Variants in NBEAL1 observed in about 807,000 individuals in gnomAD.
NBEAL1 encodes the protein neurobeachin-like protein 1.
In NBEAL1, 273 loss-of-function variants were observed where a neutral mutation model predicts 351.3. That is an observed-to-expected ratio of 0.78 (90% CI 0.70 to 0.86). NBEAL1 has a LOEUF of 0.86. NBEAL1 is among the 40% of genes least tolerant of loss of function. The pLI is 0.00. For missense variants in NBEAL1, 2,961 were observed against 3,201.3 expected, an observed-to-expected ratio of 0.92 and a Z score of 1.81; for synonymous variants, 1,050 against 1,086.4, an observed-to-expected ratio of 0.97 and a Z score of 0.66.
chr2:203,053,238 G>A (rs1185234148), intron 4 of NBEAL1, among the ~76,000 whole-genome samples: 3 of 151,788 alleles, frequency 2.0e-5, no homozygotes, highest in African/African-American at 7.3e-5. Flanking sequence ...TTCCAATACT[G>A]GATTATACTA....
At chr2:203,027,509 AT>A (rs2060877726) in intron 2 of NBEAL1, among the ~76,000 whole-genome samples, 1 of 152,148 alleles carries the variant, frequency 6.6e-6, no homozygotes, top group South Asian at 2.1e-4. Context: ...AAAAAAAAAA[AT>A]GTTGTTTGAT....
intron 2 of NBEAL1, among the ~76,000 whole-genome samples, chr2:203,039,722 G>T (rs1335139370): frequency 2.0e-4 from 30 of 152,088 alleles, no homozygotes; most frequent in Non-Finnish European, 2.9e-5. Context: ...TTGGGTTTCA[G>T]TTTTTATGTT....
intron 41 of NBEAL1, among the ~76,000 whole-genome samples, chr2:203,174,726 A>G (rs979359825): frequency 5.3e-5 from 8 of 152,034 alleles, no homozygotes; most frequent in Non-Finnish European, 8.8e-5. Flanking sequence ...CCCTGTCTCT[A>G]CTAAAAATAG....
At chr2:203,104,236 A>G (rs1435289329) in intron 12 of NBEAL1, among the ~76,000 whole-genome samples, 1 of 152,070 alleles carries the variant, frequency 6.6e-6, no homozygotes, top group African/African-American at 2.4e-5. Context: ...TTCTGTGTTG[A>G]GTGTGTATAT....
Position 203,126,806 on chromosome 2 carries a change from T to C in NBEAL1, c.3146-18T>C, listed in dbSNP as rs1025822835. 6 of 1,544,496 alleles carry C rather than the reference T, an allele frequency of 3.9e-6. No individual in the cohort carries two copies. The African/African-American group carries it at 4.1e-5, about 11-fold the overall frequency. ...TTTATTTTAGCTGAATTACTTACCA[T>C]TGAACTTTTTATTTTAGGTCACATA... is the stretch of plus-strand genomic sequence containing the variant. On this transcript the variant is annotated intron_variant, in intron 22 of 55. Coordinates refer to ENST00000683969, the MANE Select transcript of NBEAL1 (RefSeq NM_001378026.1).
At chr2:203,117,037 G>A (rs1323131650) in intron 18 of NBEAL1, among the ~76,000 whole-genome samples, 1 of 152,138 alleles carries the variant, frequency 6.6e-6, no homozygotes, top group Non-Finnish European at 1.5e-5. Flanking sequence ...GGGAGTCAGA[G>A]ATTGCAGTCA....
At chr2:203,135,287 C>A (rs781773045) in intron 27 of NBEAL1, among the ~76,000 whole-genome samples, 27 of 152,148 alleles carry the variant, frequency 1.8e-4, no homozygotes, top group Non-Finnish European at 5.9e-5. Flanking sequence ...AATGCTAGTG[C>A]CTAAAACTGT....
At chr2:203,132,421 G>A (rs1379325755) in intron 26 of NBEAL1, among the ~76,000 whole-genome samples, 3 of 152,328 alleles carry the variant, frequency 2.0e-5, no homozygotes, top group East Asian at 3.9e-4. Flanking sequence ...TTCTTAAGGA[G>A]CTTAAATTTT....
At chr2:203,090,057 C>T (rs1315311193) in intron 10 of NBEAL1, among the ~76,000 whole-genome samples, 2 of 152,092 alleles carry the variant, frequency 1.3e-5, no homozygotes, top group East Asian at 3.9e-4. Context: ...TTAAAATAGG[C>T]ATATTGAAGT....
chr2:203,040,525 T>C (rs1367683581), intron 2 of NBEAL1: 4 of 671,612 alleles, frequency 6.0e-6, no homozygotes, highest in African/African-American at 1.8e-5. Context: ...TTATGTGACC[T>C]GGGGATTTCC....
chr2:203,144,556 T>G, intron 31 of NBEAL1, 44 bp from the exon 32 acceptor site: 1 of 1,520,498 alleles, frequency 6.6e-7, no homozygotes, highest in East Asian at 2.3e-5. Flanking sequence ...TCACTAAATG[T>G]TTGCTTTAGT....
At position 203,172,936 on chromosome 2, in the gene NBEAL1, AT is replaced by A. The variant is rs1035702234; in HGVS notation, c.6323+93del. 3,741 of 1,206,004 alleles carry A rather than the reference AT, an allele frequency of 3.1e-3. 1 individual carries two copies. The highest frequency in any genetic ancestry group is 4.8e-3 in the South Asian group (239 of 50,166). 74.7% of individuals were successfully genotyped at this position (1,206,004 alleles called of 1,614,324 possible). A position where few individuals can be genotyped will look rare whatever the true frequency, so the allele number is the denominator to read the frequency against. On this transcript the variant is annotated intron_variant, in intron 41 of 55. Transcript: ENST00000683969. ...TTTTTTACTATGGCCAACCAAAAAA[AT>A]TTTTTTTTTATCGTACTACTACTTT...
In NBEAL1 at chr2:203,211,003, G is replaced by C; in HGVS notation, c.7831G>C (p.Gly2611Arg). 6.2e-7 allele frequency: 1 copy of C among 1,601,832 alleles called. No homozygotes were observed. The highest frequency in any genetic ancestry group is 8.5e-7 in the Non-Finnish European group (1 of 1,172,172). ...HLFSINGKYLGSQILKEQVSD... is the reference protein window; with the variant it reads ...HLFSINGKYLRSQILKEQVSD... Reference sequence around the variant, plus strand: ...GTTTTCTATAAATGGCAAGTATCTAGGGTCTCAAATCCTGAAGGAACAAGT... The same window carrying C: ...GTTTTCTATAAATGGCAAGTATCTACGGTCTCAAATCCTGAAGGAACAAGT... Residue 2611 changes from glycine to arginine, a missense_variant, in exon 54 of 56, where the codon GGG becomes CGG. Coordinates refer to ENST00000683969, the MANE Select transcript of NBEAL1 (RefSeq NM_001378026.1).
intron 31 of NBEAL1, among the ~76,000 whole-genome samples, chr2:203,141,154 T>C (rs4297863): frequency 0.91 from 136,994 of 150,258 alleles, 62,922 homozygotes; most frequent in Non-Finnish European, 0.96. Flanking sequence ...GTTAGCATGC[T>C]AGATAGTTCT....
At chr2:203,132,386 G>C (rs1559389832) in intron 26 of NBEAL1, among the ~76,000 whole-genome samples, 1 of 152,212 alleles carries the variant, frequency 6.6e-6, no homozygotes, top group Admixed American at 6.5e-5. Context: ...GGACACTACA[G>C]AAAATATGTG....
At chr2:203,056,568 T>C in intron 5 of NBEAL1, 60 bp downstream of exon 5, 1 of 983,820 alleles carries the variant, frequency 1.0e-6, no homozygotes, top group Non-Finnish European at 1.6e-6. Flanking sequence ...TTACTTTTTG[T>C]TTGTTTGTTT....
At chr2:203,090,296 A>G (rs962973563) in intron 10 of NBEAL1, among the ~76,000 whole-genome samples, 9 of 152,198 alleles carry the variant, frequency 5.9e-5, no homozygotes, top group African/African-American at 2.2e-4. Flanking sequence ...CCATTGCCCA[A>G]ATAGTGAACA....
At chr2:203,199,180 G>A (rs569023524) in intron 48 of NBEAL1, among the ~76,000 whole-genome samples, 158 bp from the exon 49 acceptor site, 1 of 152,298 alleles carries the variant, frequency 6.6e-6, no homozygotes, top group South Asian at 2.1e-4. Context: ...TTCTGTTTGA[G>A]TTATCTTAAG....
intron 31 of NBEAL1, among the ~76,000 whole-genome samples, chr2:203,141,384 T>TA (rs2063376415): frequency 1.0e-5 from 1 of 95,810 alleles, no homozygotes; most frequent in Non-Finnish European, 2.1e-5. Flanking sequence ...TTTTTTTTTT[T>TA]TTTTTTTTTT....
Sources: allele counts gnomAD v4.1 joint callset (sites outside exome capture counted in the v4.1 genomes callset), GRCh38; gene constraint gnomAD v4.1.1; transcripts MANE v1.5; gene names NCBI Gene and HGNC (gene_info 2026-07-23, HGNC 2026-07-21).